Variants in IPP observed in about 807,000 individuals in gnomAD.
IPP encodes the protein intracisternal A particle-promoted polypeptide.
A neutral mutation model predicts 64.1 loss-of-function variants in IPP; 41 were observed. The observed-to-expected ratio is 0.64, with a 90% CI of 0.50 to 0.83. The LOEUF is 0.83. Among genes scored for constraint, IPP ranks in the 40% least tolerant of loss-of-function variants. The pLI, the probability that IPP is intolerant of heterozygous loss-of-function variation, is 0.00. For synonymous variants in IPP, 214 were observed against 235.2 expected, an observed-to-expected ratio of 0.91 and a Z score of 0.83; for missense variants, 649 against 703.0, an observed-to-expected ratio of 0.92 and a Z score of 0.87.
chr1:45,706,642 G>A (rs1645516414), intron 8 of IPP, among the ~76,000 whole-genome samples: 1 of 151,948 alleles, frequency 6.6e-6, no homozygotes, highest in Admixed American at 6.6e-5. Flanking sequence ...GTAGAGACAG[G>A]GTTTCACCAT....
At chr1:45,707,897 A>G (rs917472574) in intron 8 of IPP, among the ~76,000 whole-genome samples, 3 of 152,150 alleles carry the variant, frequency 2.0e-5, no homozygotes, top group African/African-American at 7.2e-5. Context: ...AAGGCACATC[A>G]TAATCAAATT....
Position 45,735,541 on chromosome 1 carries a change from C to G in IPP, c.724+5360G>C, listed in dbSNP as rs569435976. 2.7e-3 allele frequency among the ~76,000 whole-genome samples: 343 copies of G among 125,994 alleles called. 1 individual carries two copies. The highest frequency in any genetic ancestry group is 9.3e-3 in the African/African-American group (314 of 33,596). 82.7% of individuals were successfully genotyped at this position (125,994 alleles called of 152,430 possible). Reference sequence around the variant, plus strand: ...AGGCTGGAGTGAAGTGGCATGATCACAGCTCACTGCAGCCTCGACCTCCTT... The same window carrying G: ...AGGCTGGAGTGAAGTGGCATGATCAGAGCTCACTGCAGCCTCGACCTCCTT... On this transcript the variant is annotated intron_variant, in intron 3 of 8. Transcript: ENST00000396478.
chr1:45,741,316 A>T lies in IPP; in HGVS notation c.309T>A (p.Gly103=), dbSNP rs770023182. 1 of 1,608,470 alleles carries T rather than the reference A, an allele frequency of 6.2e-7. No individual in the cohort carries two copies. The highest frequency in any genetic ancestry group is 1.1e-5 in the South Asian group (1 of 90,506). Residue 103 remains glycine, a synonymous_variant, in exon 3 of 9, where the codon GGT becomes GGA. Transcript: ENST00000396478. ...TAATCAACTCCTGGACATTATTCAC[A>T]CCTATGTTCACTATACCTAGAGAAG... ...DFIYTGIVNI[G]VNNVQELIIA... is the part of the protein sequence containing the mutation.
At chr1:45,696,154 T>C (rs1162721732), downstream of IPP, among the ~76,000 whole-genome samples, 8 of 152,226 alleles carry the variant, frequency 5.3e-5, no homozygotes, top group Non-Finnish European at 8.8e-5. Flanking sequence ...TTTAGGCTAA[T>C]TGCCTAATTT....
At chr1:45,735,176 T>C (rs940684041) in intron 3 of IPP, among the ~76,000 whole-genome samples, 17 of 151,258 alleles carry the variant, frequency 1.1e-4, no homozygotes, top group Non-Finnish European at 2.2e-4. Flanking sequence ...CTCAACCTCC[T>C]GGGTTCAAGT....
At chr1:45,724,752 CGTCT>C (rs1351618746) in intron 5 of IPP, among the ~76,000 whole-genome samples, 2 of 151,344 alleles carry the variant, frequency 1.3e-5, no homozygotes, top group Non-Finnish European at 3.0e-5. Flanking sequence ...GCAACCGCCC[CGTCT>C]AAGAAGTGAG....
At position 45,741,059 on chromosome 1, in the gene IPP, C is replaced by G. The variant is rs760024672; in HGVS notation, c.566G>C (p.Ser189Thr). The change falls in exon 3 of 9, where the codon AGT (serine) becomes ACT (threonine). Residue 189 changes from serine (S) to threonine (T), a missense_variant. Physicochemically the swap from Ser to Thr is moderately conservative, Grantham distance 58 (BLOSUM62 1). Transcript: ENST00000396478. ...TTCATCCTCAATGCTAAGCTCTTCA[C>G]TTCGCAAAATTTTGATCAGCTGATC... ...TKDQLIKILR[S>T]EELSIEDEYQ... is the part of the protein sequence containing the mutation. 1 of 1,614,158 alleles carries G rather than the reference C, an allele frequency of 6.2e-7. No homozygotes were observed. Among genetic ancestry groups the G allele is most frequent in the Non-Finnish European group, 8.5e-7 (1 of 1,180,004 alleles).
chr1:45,719,592 C>T (rs1645704715), intron 5 of IPP, among the ~76,000 whole-genome samples: 1 of 152,218 alleles, frequency 6.6e-6, no homozygotes, highest in African/African-American at 2.4e-5. Flanking sequence ...AACAATCAAA[C>T]AATCCATGTA....
intron 5 of IPP, among the ~76,000 whole-genome samples, chr1:45,726,233 T>A (rs1276607405): frequency 6.8e-6 from 1 of 147,778 alleles, no homozygotes; most frequent in Non-Finnish European, 1.5e-5. Flanking sequence ...CTGAGGCGGA[T>A]GGATCACCTG....
intron 1 of IPP, among the ~76,000 whole-genome samples, chr1:45,748,562 C>CAGGGGAGGCTGAGGTGGG (rs1646171921): frequency 6.6e-6 from 1 of 152,094 alleles, no homozygotes; most frequent in Admixed American, 6.6e-5. Context: ...CCCAGCTACT[C>CAGGGGAGGCTGAGGTGGG]AGGGGAGGCT....
intron 3 of IPP, among the ~76,000 whole-genome samples, chr1:45,736,893 A>G (rs1645988883): frequency 6.6e-6 from 1 of 151,754 alleles, no homozygotes; most frequent in African/African-American, 2.4e-5. Flanking sequence ...CAAAAAAAAA[A>G]TTAGCCGGGC....
At chr1:45,742,243 A>C (rs542728371) in intron 2 of IPP, among the ~76,000 whole-genome samples, 1 of 152,272 alleles carries the variant, frequency 6.6e-6, no homozygotes, top group East Asian at 1.9e-4. Flanking sequence ...AGGAGGGTAA[A>C]GATTGAAAAA....
intron 2 of IPP, 113 bp downstream of exon 2, chr1:45,746,007 A>G (rs1646128236): frequency 1.1e-6 from 1 of 886,742 alleles, no homozygotes; most frequent in South Asian, 1.7e-5. Context: ...CAGTCACATA[A>G]TAACATGTTG....
At chr1:45,717,675 C>G (rs997066226) in intron 6 of IPP, among the ~76,000 whole-genome samples, 3 of 151,990 alleles carry the variant, frequency 2.0e-5, no homozygotes, top group African/African-American at 7.3e-5. Flanking sequence ...CCACGCCCAG[C>G]TAATTTTGTT....
At chr1:45,735,017 T>G (rs1553192765) in intron 3 of IPP, among the ~76,000 whole-genome samples, 2 of 150,444 alleles carry the variant, frequency 1.3e-5, no homozygotes, top group Admixed American at 6.6e-5. Context: ...TGACCTCAGG[T>G]GATCTGCCTG....
At chr1:45,720,820 T>C (rs937055114) in intron 5 of IPP, among the ~76,000 whole-genome samples, 7 of 152,192 alleles carry the variant, frequency 4.6e-5, no homozygotes, top group Non-Finnish European at 7.3e-5. Flanking sequence ...TACTGCATAT[T>C]ATCCATAAAA....
At chr1:45,709,033 C>CAAAAAAA (rs71058700) in intron 8 of IPP, among the ~76,000 whole-genome samples, 1 of 58,142 alleles carries the variant, frequency 1.7e-5, no homozygotes, top group Admixed American at 2.6e-4. Context: ...GACTCCATCT[C>CAAAAAAA]AAAAAAAAAA....
chr1:45,699,969 T>C lies in IPP; in HGVS notation c.1752A>G (p.Leu584=). ...GTGCTCTGTTATGCTTTATATTTCATAGCACAGCAACGCCCCCTTCACAAC... is the reference window on the plus strand; with the variant it reads ...GTGCTCTGTTATGCTTTATATTTCACAGCACAGCAACGCCCCCTTCACAAC... The part of the protein sequence containing the change: ...TSRCEGGVAV[L] The change falls in exon 9 of 9, where the codon CTA becomes CTG. Residue 584 remains leucine, a synonymous_variant. Transcript: ENST00000396478. 1 of 1,614,206 alleles carries C rather than the reference T, an allele frequency of 6.2e-7. No homozygotes were observed. The highest frequency in any genetic ancestry group is 8.5e-7 in the Non-Finnish European group (1 of 1,180,012).
In IPP at chr1:45,728,242, C is replaced by T. The variant is rs772209588; in HGVS notation, c.881-444G>A. Among the ~76,000 whole-genome samples, 77 of 151,438 alleles carry T rather than the reference C, an allele frequency of 5.1e-4. 1 individual carries two copies. The Middle Eastern group carries it at 0.034, about 67-fold the overall frequency. On this transcript the variant is annotated intron_variant, in intron 4 of 8. Transcript: ENST00000396478. Reference sequence around the variant, plus strand: ...ATGTGATCACAGCTTACTGCAGCCTCGATCTTCCCTCATCAACCTCCTGAT... The same window carrying T: ...ATGTGATCACAGCTTACTGCAGCCTTGATCTTCCCTCATCAACCTCCTGAT...
Sources: allele counts gnomAD v4.1 joint callset (sites outside exome capture counted in the v4.1 genomes callset), GRCh38; gene constraint gnomAD v4.1.1; transcripts MANE v1.5; gene names NCBI Gene and HGNC (gene_info 2026-07-23, HGNC 2026-07-21).